THRB: variants seen among roughly 807,000 people sequenced by gnomAD.
The protein encoded by THRB is thyroid hormone receptor beta, also known as nuclear receptor subfamily 1 group A member 2.
In THRB, 12 loss-of-function variants were observed where a neutral mutation model predicts 47.8. That is an observed-to-expected ratio of 0.25 (90% CI 0.16 to 0.41). The LOEUF is 0.41. THRB is among the 10% of genes least tolerant of loss of function. The pLI is 1.00. For synonymous variants in THRB, 218 were observed against 212.2 expected (o/e 1.03, Z -0.24); for missense variants, 348 against 589.2 (o/e 0.59, Z 4.24).
intron 1 of THRB, among the ~76,000 whole-genome samples, chr3:24,447,725 A>G (rs2072239346): frequency 6.6e-6 from 1 of 152,120 alleles, no homozygotes; most frequent in South Asian, 2.1e-4. Context: ...CCCCAATGAA[A>G]GCCAAGAGAA....
chr3:24,489,477 T>C (rs1171117382), intron 1 of THRB, among the ~76,000 whole-genome samples: 3 of 152,130 alleles, frequency 2.0e-5, no homozygotes, highest in Non-Finnish European at 4.4e-5. Context: ...AGAAACACTT[T>C]CCAGGGAGTA....
At chr3:24,223,106 C>T (rs2047321530) in intron 4 of THRB, among the ~76,000 whole-genome samples, 1 of 152,162 alleles carries the variant, frequency 6.6e-6, no homozygotes, top group African/African-American at 2.4e-5. Flanking sequence ...TCATCTACAC[C>T]TGTAATCAGT....
At chr3:24,238,944 C>CTT (rs548620071) in intron 3 of THRB, among the ~76,000 whole-genome samples, 69 of 141,056 alleles carry the variant, frequency 4.9e-4, no homozygotes, top group Non-Finnish European at 5.1e-4. Context: ...GCATTAGGTT[C>CTT]TTTTTTTTTT....
chr3:24,349,641 T>C (rs1479626713), intron 1 of THRB, among the ~76,000 whole-genome samples: 1 of 152,076 alleles, frequency 6.6e-6, no homozygotes, highest in African/African-American at 2.4e-5. Flanking sequence ...TGGATACCCA[T>C]ATTGTAAAAA....
chr3:24,248,582 C>T (rs1004642621), intron 3 of THRB, among the ~76,000 whole-genome samples: 1 of 152,166 alleles, frequency 6.6e-6, no homozygotes, highest in Non-Finnish European at 1.5e-5. Flanking sequence ...CCCAGAGTCC[C>T]TTGCCAGAGG....
At chr3:24,181,696 T>A (rs974866967) in intron 5 of THRB, among the ~76,000 whole-genome samples, 1 of 151,598 alleles carries the variant, frequency 6.6e-6, no homozygotes, top group South Asian at 2.1e-4. Flanking sequence ...ACAGTATTAC[T>A]TGTTACTTGG....
At chr3:24,446,769 G>A (rs1214829071) in intron 1 of THRB, among the ~76,000 whole-genome samples, 2 of 152,178 alleles carry the variant, frequency 1.3e-5, no homozygotes, top group Non-Finnish European at 2.9e-5. Context: ...GAGAGTGGGC[G>A]GCTGAATCAT....
chr3:24,286,509 T>C (rs544960030), intron 3 of THRB, among the ~76,000 whole-genome samples: 1 of 152,292 alleles, frequency 6.6e-6, no homozygotes, highest in South Asian at 2.1e-4. Context: ...TGGTTTAAGA[T>C]TTCAGCCTCA....
intron 6 of THRB, among the ~76,000 whole-genome samples, chr3:24,152,182 CATTT>C (rs1413361219): frequency 6.6e-6 from 1 of 152,296 alleles, no homozygotes; most frequent in East Asian, 1.9e-4. Flanking sequence ...ACATTACACT[CATTT>C]AGTTATTTAT....
At chr3:24,181,718 CTTA>C (rs1478965117) in intron 5 of THRB, among the ~76,000 whole-genome samples, 1 of 152,162 alleles carries the variant, frequency 6.6e-6, no homozygotes, top group Admixed American at 6.5e-5. Context: ...AGTCCTGCTC[CTTA>C]TTATTATTCT....
At chr3:24,473,529 G>A (rs1021147355) in intron 1 of THRB, among the ~76,000 whole-genome samples, 1 of 152,122 alleles carries the variant, frequency 6.6e-6, no homozygotes, top group Admixed American at 6.5e-5. Context: ...AAGACAGTGT[G>A]GTGATTCCTC....
At chr3:24,233,004 G>T (rs1347970042) in intron 3 of THRB, among the ~76,000 whole-genome samples, 3 of 152,154 alleles carry the variant, frequency 2.0e-5, no homozygotes, top group Admixed American at 2.0e-4. Flanking sequence ...GTGGTGCTGA[G>T]AATCATGCAG....
intron 5 of THRB, among the ~76,000 whole-genome samples, chr3:24,181,879 A>G (rs999431505): frequency 3.3e-5 from 5 of 152,192 alleles, no homozygotes; most frequent in Non-Finnish European, 5.9e-5. Flanking sequence ...ACTTGATAAG[A>G]TATTCAGCCA....
At chr3:24,316,171 A>G (rs2058098585) in intron 2 of THRB, among the ~76,000 whole-genome samples, 1 of 152,166 alleles carries the variant, frequency 6.6e-6, no homozygotes, top group African/African-American at 2.4e-5. Flanking sequence ...AAACCTGACA[A>G]AGTGTCTTTA....
intron 3 of THRB, among the ~76,000 whole-genome samples, chr3:24,264,173 G>T (rs2150536267): frequency 6.6e-6 from 1 of 152,166 alleles, no homozygotes; most frequent in African/African-American, 2.4e-5. Context: ...TAGTCTCACA[G>T]ACCTCCTTCT....
Position 24,161,988 on chromosome 3 carries a change from C to T in THRB, c.284-9498G>A, listed in dbSNP as rs183917756. Among the ~76,000 whole-genome samples the T allele has an allele frequency of 1.6e-3, 236 of 152,178 alleles. 1 individual carries two copies. Among genetic ancestry groups the T allele is most frequent in the Non-Finnish European group, 2.9e-3 (195 of 68,008 alleles). On this transcript the variant is annotated intron_variant, in intron 5 of 10. Coordinates refer to ENST00000646209, the MANE Select transcript of THRB (RefSeq NM_001354712.2). ...AGCAAAGAATCCCGTGGAGGAGAGT[C>T]GCCCAGGGCAGACTCCTAGGAAGGT...
At chr3:24,261,370 G>A (rs923625180) in intron 3 of THRB, among the ~76,000 whole-genome samples, 2 of 151,654 alleles carry the variant, frequency 1.3e-5, no homozygotes, top group East Asian at 1.9e-4. Flanking sequence ...GTGGTGGCAC[G>A]CACCTGTAAT....
At chr3:24,419,274 G>A (rs1560142271) in intron 1 of THRB, among the ~76,000 whole-genome samples, 1 of 151,812 alleles carries the variant, frequency 6.6e-6, no homozygotes, top group Non-Finnish European at 1.5e-5. Flanking sequence ...CCAGGTCAGC[G>A]ACCCTAGCTA....
In THRB at chr3:24,388,998, C is replaced by T. The variant is rs1319735702; in HGVS notation, c.-260-51627G>A. 2.0e-5 allele frequency among the ~76,000 whole-genome samples: 3 copies of T among 152,150 alleles called. No individual in the cohort carries two copies. In the East Asian group the frequency reaches 5.8e-4, roughly 29 times the overall value. ...TAAAATTTTAATAGAAAACTCCCAT[C>T]TCTACTTTGTGATAACTGAGTAGTA... On this transcript the variant is annotated intron_variant, in intron 1 of 10. Coordinates refer to ENST00000646209, the MANE Select transcript of THRB (RefSeq NM_001354712.2).
Sources: allele counts gnomAD v4.1 joint callset (sites outside exome capture counted in the v4.1 genomes callset), GRCh38; gene constraint gnomAD v4.1.1; transcripts MANE v1.5; gene names NCBI Gene and HGNC (gene_info 2026-07-23, HGNC 2026-07-21).